S100A13: variants seen among roughly 807,000 people sequenced by gnomAD.
S100A13 encodes the protein protein S100-A13.
Under a neutral mutation model 8.2 loss-of-function variants are expected in S100A13, and 6 were observed. The observed-to-expected ratio is 0.73, with a 90% CI of 0.40 to 1.44. S100A13 has a LOEUF of 1.44. S100A13 is among the 40% of genes most tolerant of loss of function. The probability of loss-of-function intolerance (pLI) is 0.02; values close to 1 mark genes in which losing one functional copy is unlikely to be tolerated. For synonymous variants in S100A13, 39 were observed against 45.9 expected (o/e 0.85, Z 0.61); for missense variants, 114 against 113.6 (o/e 1.00, Z -0.02).
Position 153,626,341 on chromosome 1 carries a change from C to A in S100A13, c.132G>T (p.Gln44His). 6.2e-7 allele frequency: 1 copy of A among 1,614,198 alleles called. No individual in the cohort carries two copies. Among genetic ancestry groups the A allele is most frequent in the Non-Finnish European group, 8.5e-7 (1 of 1,180,020 alleles). ...CTACCTTGAGCAGATGGGGCAACTGCTGGGTAACCAGCTCTTTGAACTCGT... is the reference window on the plus strand; with the variant it reads ...CTACCTTGAGCAGATGGGGCAACTGATGGGTAACCAGCTCTTTGAACTCGT... ...SVNEFKELVT[Q>H]QLPHLLKDVG... Residue 44 changes from glutamine to histidine, a missense_variant, in exon 2 of 3, where the codon CAG becomes CAT. Coordinates refer to ENST00000476133, the MANE Select transcript of S100A13 (RefSeq NM_001024211.2).
chr1:153,621,086 G>C (rs1053044820), intron 2 of S100A13, among the ~76,000 whole-genome samples: 3 of 151,266 alleles, frequency 2.0e-5, no homozygotes, highest in South Asian at 2.1e-4. Flanking sequence ...AAAGAGAAAG[G>C]CTCAATCAGC....
At position 153,625,128 on chromosome 1, in the gene S100A13, CT is replaced by C. The variant is rs575520594; in HGVS notation, c.153+1191del. Among the ~76,000 whole-genome samples the C allele has an allele frequency of 3.7e-4, 57 of 152,258 alleles. 2 individuals carry two copies. In the South Asian group the frequency reaches 0.012, roughly 31 times the overall value. On this transcript the variant is annotated intron_variant, in intron 2 of 2. Transcript: ENST00000476133. ...TGGCATGCGCCTGTGGTCCCAGCTA[CT>C]TGTGAGGCTGGGGCAGGAGGATTGC...
chr1:153,623,838 C>A (rs908608751), intron 2 of S100A13, among the ~76,000 whole-genome samples: 24 of 152,300 alleles, frequency 1.6e-4, no homozygotes, highest in South Asian at 1.2e-3. Flanking sequence ...GCATTTTTCT[C>A]CAGCCAGATT....
chr1:153,630,480 C>T (rs754243995), upstream of S100A13: 3 of 1,610,206 alleles, frequency 1.9e-6, no homozygotes, highest in South Asian at 1.1e-5. Context: ...GCCTGGTCCT[C>T]AGCTCACTTC....
At chr1:153,619,086 G>C (rs148738429) in intron 2 of S100A13, 48 bp from the exon 3 acceptor site, 2 of 1,556,568 alleles carry the variant, frequency 1.3e-6, no homozygotes, top group Admixed American at 1.7e-5. Flanking sequence ...TGGGGTTCTT[G>C]AGAAAGTAGG....
intron 2 of S100A13, among the ~76,000 whole-genome samples, chr1:153,623,128 A>G (rs1026841648): frequency 6.6e-6 from 1 of 152,072 alleles, no homozygotes; most frequent in Non-Finnish European, 1.5e-5. Context: ...AGCTGGTAAG[A>G]ACGATACAGT....
upstream of S100A13, chr1:153,630,312 A>T: frequency 1.6e-6 from 1 of 626,940 alleles, no homozygotes; most frequent in Non-Finnish European, 2.7e-6. Flanking sequence ...TGAGGGACAC[A>T]GAGAACAGGC....
At chr1:153,624,878 C>T (rs946534457) in intron 2 of S100A13, among the ~76,000 whole-genome samples, 1 of 152,162 alleles carries the variant, frequency 6.6e-6, no homozygotes, top group Non-Finnish European at 1.5e-5. Flanking sequence ...AGTTCGAAAC[C>T]AGCCTGGCCA....
Position 153,626,445 on chromosome 1 carries a change from C to G in S100A13, c.28G>C (p.Glu10Gln), listed in dbSNP as rs1394050955. The G allele has an allele frequency of 1.2e-6, 2 of 1,614,236 alleles. No homozygotes were observed. Among genetic ancestry groups the G allele is most frequent in the Non-Finnish European group, 1.7e-6 (2 of 1,180,050 alleles). ...GTGACCACGGTCTCAATGGACTCCTCTAGCTCTGTCAGTGGTTCTGCTGCC... is the reference window on the plus strand; with the variant it reads ...GTGACCACGGTCTCAATGGACTCCTGTAGCTCTGTCAGTGGTTCTGCTGCC... MAAEPLTEL[E>Q]ESIETVVTTF... is the part of the protein sequence containing the mutation. The change falls in exon 2 of 3, where the codon GAG becomes CAG. Residue 10 changes from glutamate to glutamine, a missense_variant. Physicochemically the swap from Glu to Gln is conservative, Grantham distance 29 (BLOSUM62 2). Coordinates refer to ENST00000476133, the MANE Select transcript of S100A13 (RefSeq NM_001024211.2).
Position 153,624,217 on chromosome 1 carries a change from G to A in S100A13, c.153+2103C>T, listed in dbSNP as rs188390486. Among the ~76,000 whole-genome samples, 4 of 152,338 alleles carry A rather than the reference G, an allele frequency of 2.6e-5. No homozygotes were observed. In the East Asian group the frequency reaches 7.7e-4, roughly 29 times the overall value. ...TATTTTGTTAATGACACAGTCTAAA[G>A]CATGAACAGAGGAGTGGGATGCTGA... On this transcript the variant is annotated intron_variant, in intron 2 of 2. Coordinates refer to ENST00000476133, the MANE Select transcript of S100A13 (RefSeq NM_001024211.2).
chr1:153,619,344 T>G lies in S100A13; in HGVS notation c.154-306A>C, dbSNP rs373604081. Among the ~76,000 whole-genome samples the G allele has an allele frequency of 1.1e-4, 16 of 152,210 alleles. No homozygotes were observed. The East Asian group carries it at 1.5e-3, about 15-fold the overall frequency. ...CGCTGAATACAAAGCTGGAAAGAAA[T>G]CCACACAATCTTCTCTCACCAGCAC... On this transcript the variant is annotated intron_variant, in intron 2 of 2. Transcript: ENST00000476133.
upstream of S100A13, chr1:153,627,992 A>C: frequency 6.5e-7 from 1 of 1,533,474 alleles, no homozygotes; most frequent in East Asian, 2.5e-5. Context: ...CCCAGAGAAG[A>C]GTCCTGGATT....
At chr1:153,626,794 G>A in intron 1 of S100A13, 1 of 254,634 alleles carries the variant, frequency 3.9e-6, no homozygotes, top group South Asian at 7.5e-5. Flanking sequence ...AAATGTCTGT[G>A]GCTTAGGGAC....
At chr1:153,626,607 G>GTTA in intron 1 of S100A13, 74 bp from the exon 2 acceptor site, 1 of 829,442 alleles carries the variant, frequency 1.2e-6, no homozygotes, top group African/African-American at 1.7e-5. Context: ...GAAGGTCCCT[G>GTTA]CCTTGGTGTT....
upstream of S100A13, chr1:153,630,720 G>T (rs1171783714): frequency 1.3e-6 from 2 of 1,581,178 alleles, no homozygotes; most frequent in Non-Finnish European, 1.7e-6. Context: ...GAATGGGGTG[G>T]ACACCCCCTT....
chr1:153,621,653 G>T (rs1230664960), intron 2 of S100A13, among the ~76,000 whole-genome samples: 2 of 148,740 alleles, frequency 1.3e-5, no homozygotes, highest in African/African-American at 5.0e-5. Flanking sequence ...TTGTTCTTTC[G>T]CTCTTTGCAA....
upstream of S100A13, chr1:153,631,721 G>A: frequency 1.2e-6 from 2 of 1,614,212 alleles, no homozygotes; most frequent in African/African-American, 1.3e-5. Context: ...TGGATGCTGT[G>A]GACAAGGTGA....
At chr1:153,627,594 C>G (rs1366152992), upstream of S100A13, 1 of 155,882 alleles carries the variant, frequency 6.4e-6, no homozygotes, top group African/African-American at 2.4e-5. Flanking sequence ...TTTCCGTGGT[C>G]GATTCTGAAG....
rs369833765 is a variant in S100A13, at chr1:153,626,364, C to T, written c.109G>A (p.Glu37Lys). 3.1e-6 allele frequency: 5 copies of T among 1,614,054 alleles called. No homozygotes were observed. The highest frequency in any genetic ancestry group is 1.7e-5 in the Admixed American group (1 of 60,008). ...TGCTGGGTAACCAGCTCTTTGAACT[C>T]GTTGACGCTGAGGCTATCCTTCCGG... ...EGRKDSLSVN[E>K]FKELVTQQLP... The change falls in exon 2 of 3, where the codon GAG becomes AAG. Residue 37 changes from glutamate to lysine, a missense_variant. Coordinates refer to ENST00000476133, the MANE Select transcript of S100A13 (RefSeq NM_001024211.2).
Sources: allele counts gnomAD v4.1 joint callset (sites outside exome capture counted in the v4.1 genomes callset), GRCh38; gene constraint gnomAD v4.1.1; transcripts MANE v1.5; gene names NCBI Gene and HGNC (gene_info 2026-07-23, HGNC 2026-07-21).